SNX27: variants seen among roughly 807,000 people sequenced by gnomAD.
SNX27 encodes sorting nexin 27.
SNX27 carries 22 observed loss-of-function variants against 71.6 expected under a neutral mutation model. That is an observed-to-expected ratio of 0.31 (90% CI 0.22 to 0.44). The LOEUF (loss-of-function observed/expected upper bound fraction) is 0.44, where lower values mean the gene tolerates loss of function less well. Among genes scored for constraint, SNX27 ranks in the 20% least tolerant of loss-of-function variants. SNX27 has a pLI of 1.00. For synonymous variants in SNX27, 269 were observed against 277.2 expected, an observed-to-expected ratio of 0.97 and a Z score of 0.29; for missense variants, 531 against 698.6, an observed-to-expected ratio of 0.76 and a Z score of 2.70.
intron 7 of SNX27, among the ~76,000 whole-genome samples, chr1:151,669,719 G>A (rs1177807447): frequency 3.3e-5 from 5 of 152,042 alleles, no homozygotes; most frequent in Non-Finnish European, 5.9e-5. Flanking sequence ...TTTCAGAGCT[G>A]TTCCTCTTTT....
intron 2 of SNX27, among the ~76,000 whole-genome samples, chr1:151,655,908 G>T (rs1016920196): frequency 6.6e-6 from 1 of 152,044 alleles, no homozygotes; most frequent in Non-Finnish European, 1.5e-5. Flanking sequence ...ATGGATTAAG[G>T]ACTTAAATGA....
chr1:151,644,318 G>C (rs1038461593), intron 2 of SNX27, among the ~76,000 whole-genome samples: 3 of 152,096 alleles, frequency 2.0e-5, no homozygotes, highest in South Asian at 2.1e-4. Context: ...TCCAATTCTA[G>C]GAAAGCACTA....
At chr1:151,635,288 T>C (rs1317628130) in intron 1 of SNX27, among the ~76,000 whole-genome samples, 1 of 152,206 alleles carries the variant, frequency 6.6e-6, no homozygotes, top group African/African-American at 2.4e-5. Context: ...CCGATGATAT[T>C]AACCCCATTT....
intron 8 of SNX27, among the ~76,000 whole-genome samples, chr1:151,689,967 G>A (rs1227260453): frequency 2.6e-5 from 4 of 151,972 alleles, no homozygotes; most frequent in Non-Finnish European, 5.9e-5. Flanking sequence ...TTCTGCCTCA[G>A]CCTCTCATGT....
chr1:151,676,634 A>G (rs1237301766), intron 7 of SNX27: 1 of 152,138 alleles, frequency 6.6e-6, no homozygotes. Flanking sequence ...AAGTTTTAAC[A>G]TTTAGTATAA....
At position 151,690,260 on chromosome 1, in the gene SNX27, T is replaced by A. The variant is rs1270190190; in HGVS notation, c.1240-2175T>A. 4.6e-5 allele frequency among the ~76,000 whole-genome samples: 7 copies of A among 152,346 alleles called. No individual in the cohort carries two copies. In the East Asian group the frequency reaches 1.2e-3, roughly 25 times the overall value. On this transcript the variant is annotated intron_variant, in intron 8 of 11. Transcript: ENST00000458013. ...CTTTCTGCCATTCATGTTGCCTCTA[T>A]CTCACTCACATGCTTTTTTCCCCTC...
At chr1:151,686,429 C>T (rs957542319) in intron 8 of SNX27, among the ~76,000 whole-genome samples, 14 of 152,174 alleles carry the variant, frequency 9.2e-5, no homozygotes, top group Non-Finnish European at 1.8e-4. Flanking sequence ...GGTAAAAACT[C>T]AAGTATAGTT....
At chr1:151,690,325 TG>T (rs775898610) in intron 8 of SNX27, among the ~76,000 whole-genome samples, 1 of 152,268 alleles carries the variant, frequency 6.6e-6, no homozygotes, top group South Asian at 2.1e-4. Context: ...GTCACTGACT[TG>T]AAGCTCACCC....
intron 1 of SNX27, among the ~76,000 whole-genome samples, chr1:151,637,788 G>T (rs565366178): frequency 6.6e-6 from 1 of 152,310 alleles, no homozygotes; most frequent in African/African-American, 2.4e-5. Flanking sequence ...TTTATGGAAG[G>T]CTTGTTACTA....
rs1398540271 is a variant in SNX27 at position 151,692,429 on chromosome 1, T to TC, written c.1240-6_1240-5insC. Reference sequence around the variant, plus strand: ...TCCTTTTTTTTTTTTTTTTTTTTTTTTTTAGTACCTCAACATGCTAAGGAC... The same window carrying TC: ...TCCTTTTTTTTTTTTTTTTTTTTTTTCTTTAGTACCTCAACATGCTAAGGAC... On this transcript the variant is annotated splice_polypyrimidine_tract_variant and splice_region_variant and intron_variant, in intron 8 of 11. Coordinates refer to ENST00000458013, the MANE Select transcript of SNX27 (RefSeq NM_001330723.2). 5 of 1,478,184 alleles carry TC rather than the reference T, an allele frequency of 3.4e-6. No individual in the cohort carries two copies. In the African/African-American group the frequency reaches 7.3e-5, roughly 22 times the overall value. The allele number at this position is 1,478,184 out of a possible 1,614,324, so 91.6% of individuals were successfully genotyped here. A position where few individuals can be genotyped will look rare whatever the true frequency, so the allele number is the denominator to read the frequency against.
intron 1 of SNX27, among the ~76,000 whole-genome samples, chr1:151,615,344 G>T (rs954645600): frequency 4.6e-5 from 7 of 151,892 alleles, no homozygotes; most frequent in Non-Finnish European, 8.8e-5. Flanking sequence ...ACTATACAGT[G>T]TCTTTCTCTT....
At chr1:151,693,932 G>A (rs1671582484) in intron 11 of SNX27, 1 of 1,327,712 alleles carries the variant, frequency 7.5e-7, no homozygotes, top group South Asian at 2.1e-5. Context: ...GTCTGTATGT[G>A]CCAGTGCTGG....
intron 1 of SNX27, among the ~76,000 whole-genome samples, chr1:151,630,904 C>T (rs1369416241): frequency 6.6e-6 from 1 of 152,020 alleles, no homozygotes; most frequent in Admixed American, 6.6e-5. Flanking sequence ...TGGTGGCGGG[C>T]GCCTGTAGTT....
chr1:151,670,819 T>C (rs1046079224), intron 7 of SNX27, among the ~76,000 whole-genome samples: 10 of 152,202 alleles, frequency 6.6e-5, no homozygotes, highest in African/African-American at 2.4e-4. Flanking sequence ...TTTGCTTTGG[T>C]TGACTGTGCT....
Position 151,627,719 on chromosome 1 carries a change from C to T in SNX27, c.312-11169C>T, listed in dbSNP as rs186010849. Among the ~76,000 whole-genome samples the T allele has an allele frequency of 2.8e-3, 426 of 150,212 alleles. 1 individual carries two copies. The highest frequency in any genetic ancestry group is 9.6e-3 in the African/African-American group (396 of 41,322). On this transcript the variant is annotated intron_variant, in intron 1 of 11. Coordinates refer to ENST00000458013, the MANE Select transcript of SNX27 (RefSeq NM_001330723.2). Reference sequence around the variant, plus strand: ...CTAGGATTACAGGTGTAAGCCACTGCGCCTGGCCAAGGTTCACTCTTTGTT... The same window carrying T: ...CTAGGATTACAGGTGTAAGCCACTGTGCCTGGCCAAGGTTCACTCTTTGTT...
intron 2 of SNX27, among the ~76,000 whole-genome samples, chr1:151,653,238 G>C (rs1028888089): frequency 2.6e-5 from 4 of 151,476 alleles, no homozygotes; most frequent in African/African-American, 9.7e-5. Flanking sequence ...TTTTTTTGTT[G>C]TTGTTGTTTG....
chr1:151,626,967 A>G (rs745695856), intron 1 of SNX27, among the ~76,000 whole-genome samples: 9 of 152,142 alleles, frequency 5.9e-5, no homozygotes, highest in Non-Finnish European at 1.3e-4. Flanking sequence ...CCATTTATTT[A>G]AAGGTCCCTG....
chr1:151,636,167 A>G (rs1477315679), intron 1 of SNX27, among the ~76,000 whole-genome samples: 3 of 152,238 alleles, frequency 2.0e-5, no homozygotes, highest in Non-Finnish European at 2.9e-5. Context: ...TGCCCTAGAT[A>G]AAAAATTCTT....
At chr1:151,634,597 C>T (rs771089794) in intron 1 of SNX27, among the ~76,000 whole-genome samples, 2 of 152,098 alleles carry the variant, frequency 1.3e-5, no homozygotes, top group Non-Finnish European at 2.9e-5. Context: ...AAATGTTGGT[C>T]TTATGTAAAA....
Sources: allele counts gnomAD v4.1 joint callset (sites outside exome capture counted in the v4.1 genomes callset), GRCh38; gene constraint gnomAD v4.1.1; transcripts MANE v1.5; gene names NCBI Gene and HGNC (gene_info 2026-07-23, HGNC 2026-07-21).